Variants in ASIC2 observed in about 807,000 individuals in gnomAD.
ASIC2 encodes acid sensing ion channel subunit 2.
In ASIC2, 25 loss-of-function variants were observed where a neutral mutation model predicts 57.3. The observed-to-expected ratio is 0.44, with a 90% CI of 0.32 to 0.61. The LOEUF (loss-of-function observed/expected upper bound fraction) is 0.61. ASIC2 is among the 20% of genes least tolerant of loss of function. ASIC2 has a pLI of 0.06. For synonymous variants in ASIC2, 319 were observed against 307.5 expected (o/e 1.04, Z -0.39); for missense variants, 641 against 738.1 (o/e 0.87, Z 1.52).
chr17:33,064,732 G>A (rs923701281), intron 3 of ASIC2, among the ~76,000 whole-genome samples: 2 of 152,190 alleles, frequency 1.3e-5, no homozygotes, highest in Non-Finnish European at 1.5e-5. Flanking sequence ...AGTTGGAAAC[G>A]CAGAAATCAC....
At chr17:33,383,087 T>C (rs1909548955) in intron 1 of ASIC2, among the ~76,000 whole-genome samples, 1 of 151,964 alleles carries the variant, frequency 6.6e-6, no homozygotes, top group Admixed American at 6.6e-5. Flanking sequence ...AAACCTCCCA[T>C]TCCTTCTTCA....
intron 1 of ASIC2, among the ~76,000 whole-genome samples, chr17:33,370,309 C>G (rs768551246): frequency 8.5e-5 from 13 of 152,198 alleles, no homozygotes; most frequent in Admixed American, 5.2e-4. Flanking sequence ...GAACACCACC[C>G]CCAACCCCAA....
intron 1 of ASIC2, among the ~76,000 whole-genome samples, chr17:33,724,843 C>T (rs1451172759): frequency 6.6e-6 from 1 of 152,084 alleles, no homozygotes; most frequent in Non-Finnish European, 1.5e-5. Context: ...CATACACACA[C>T]ACACACACAT....
intron 1 of ASIC2, among the ~76,000 whole-genome samples, chr17:33,400,178 G>A (rs536246326): frequency 6.6e-6 from 1 of 152,330 alleles, no homozygotes; most frequent in African/African-American, 2.4e-5. Flanking sequence ...TCTTGAGGTA[G>A]GATATATGGA....
intron 1 of ASIC2, among the ~76,000 whole-genome samples, chr17:33,408,421 C>T (rs1910541548): frequency 6.6e-6 from 1 of 152,132 alleles, no homozygotes; most frequent in South Asian, 2.1e-4. Flanking sequence ...GAAAAGAGGC[C>T]AGACGTGGGT....
chr17:34,060,416 G>A (rs1357158289), intron 1 of ASIC2, among the ~76,000 whole-genome samples: 1 of 152,178 alleles, frequency 6.6e-6, no homozygotes, highest in Non-Finnish European at 1.5e-5. Context: ...ATCAACTCTG[G>A]TAATATGACA....
chr17:33,129,841 G>A (rs2092338192), intron 1 of ASIC2, among the ~76,000 whole-genome samples: 1 of 152,190 alleles, frequency 6.6e-6, no homozygotes, highest in Non-Finnish European at 1.5e-5. Flanking sequence ...TTGTTAGGTG[G>A]AGGTCATTAG....
In ASIC2 at chr17:33,855,619, T is replaced by TGAGATGATGATGCTGATGATG. The variant is rs1913902858; in HGVS notation, c.555+300338_555+300358dup. Among the ~76,000 whole-genome samples the TGAGATGATGATGCTGATGATG allele has an allele frequency of 2.0e-5, 3 of 152,170 alleles. No individual in the cohort carries two copies. In the South Asian group the frequency reaches 6.2e-4, roughly 32 times the overall value. On this transcript the variant is annotated intron_variant, in intron 1 of 9. Transcript: ENST00000359872. ...TATCCACCTAGGGGCTTGACTGGACTGAGATGATGATGCTGATGATGGGGA... is the reference window on the plus strand; with the variant it reads ...TATCCACCTAGGGGCTTGACTGGACTGAGATGATGATGCTGATGATGGAGATGATGATGCTGATGATGGGGA...
intron 1 of ASIC2, among the ~76,000 whole-genome samples, chr17:33,561,445 T>C (rs777289008): frequency 1.4e-4 from 21 of 152,194 alleles, no homozygotes; most frequent in Non-Finnish European, 2.4e-4. Context: ...TTCCCACCTG[T>C]AGCAAGGCAA....
intron 1 of ASIC2, among the ~76,000 whole-genome samples, chr17:33,863,235 G>T (rs1278934403): frequency 6.6e-6 from 1 of 152,254 alleles, no homozygotes; most frequent in Non-Finnish European, 1.5e-5. Context: ...TGGCTGAGAA[G>T]CCCTGATGGA....
In ASIC2 at chr17:33,802,126, C is replaced by A. The variant is rs536437484; in HGVS notation, c.555+353852G>T. Reference sequence around the variant, plus strand: ...TTTGGTCAATGACAGACTGCATATACGACAGTGGTCCCACAAGGCTGCAAT... The same window carrying A: ...TTTGGTCAATGACAGACTGCATATAAGACAGTGGTCCCACAAGGCTGCAAT... On this transcript the variant is annotated intron_variant, in intron 1 of 9. Coordinates refer to the ASIC2 transcript ENST00000359872. Among the ~76,000 whole-genome samples, 4 of 152,300 alleles carry A rather than the reference C, an allele frequency of 2.6e-5. No individual in the cohort carries two copies. The East Asian group carries it at 7.7e-4, about 29-fold the overall frequency.
In ASIC2 at chr17:33,951,558, CTCTTTTTTCTTT is replaced by C. The variant is rs565120378; in HGVS notation, c.555+204408_555+204419del. Among the ~76,000 whole-genome samples the C allele has an allele frequency of 2.5e-3, 381 of 152,022 alleles. 2 individuals are homozygous for C. Among genetic ancestry groups the C allele is most frequent in the African/African-American group, 6.5e-3 (271 of 41,470 alleles). ...GCCTATACGCTATACCTATTCTTCC[CTCTTTTTTCTTT>C]TCTTTTTTCTTTTCTTTTTTTCTTT... On this transcript the variant is annotated intron_variant, in intron 1 of 9. Transcript: ENST00000359872.
At chr17:33,404,837 G>A (rs1705706260) in intron 1 of ASIC2, among the ~76,000 whole-genome samples, 1 of 152,048 alleles carries the variant, frequency 6.6e-6, no homozygotes, top group African/African-American at 2.4e-5. Context: ...GGTATTTCTG[G>A]CTATTATATT....
chr17:33,232,335 A>G (rs1908122372), intron 1 of ASIC2, among the ~76,000 whole-genome samples: 1 of 152,148 alleles, frequency 6.6e-6, no homozygotes, highest in Non-Finnish European at 1.5e-5. Context: ...CCAGTCTCCA[A>G]ATCTGTGAGA....
chr17:33,737,905 C>G (rs928455128), intron 1 of ASIC2, among the ~76,000 whole-genome samples: 1 of 152,144 alleles, frequency 6.6e-6, no homozygotes, highest in Non-Finnish European at 1.5e-5. Context: ...CCCAACTCTT[C>G]TACTCATTCC....
At chr17:33,529,922 A>G (rs1236939281) in intron 1 of ASIC2, 1 of 152,126 alleles carries the variant, frequency 6.6e-6, no homozygotes, top group African/African-American at 2.4e-5. Context: ...CTCGCTACTC[A>G]TCCATCTCTT....
chr17:34,143,569 T>C (rs1912330605), intron 1 of ASIC2, among the ~76,000 whole-genome samples: 1 of 152,248 alleles, frequency 6.6e-6, no homozygotes, highest in Admixed American at 6.5e-5. Flanking sequence ...TTCTCTGCCA[T>C]GTTTTGATGC....
chr17:33,736,110 T>C (rs1378239158), intron 1 of ASIC2, among the ~76,000 whole-genome samples: 1 of 152,116 alleles, frequency 6.6e-6, no homozygotes, highest in Admixed American at 6.5e-5. Context: ...AAGAAAATAG[T>C]GCTCAATAAA....
chr17:33,721,327 C>T (rs1045005928), intron 1 of ASIC2, among the ~76,000 whole-genome samples: 2 of 152,168 alleles, frequency 1.3e-5, no homozygotes, highest in African/African-American at 2.4e-5. Flanking sequence ...CCTCTCTTTC[C>T]AAGCATGCAC....
Sources: allele counts gnomAD v4.1 joint callset (sites outside exome capture counted in the v4.1 genomes callset), GRCh38; gene constraint gnomAD v4.1.1; transcripts MANE v1.5; gene names NCBI Gene and HGNC (gene_info 2026-07-23, HGNC 2026-07-21).